Variants in GALNTL6 observed in about 807,000 individuals in gnomAD.
GALNTL6 encodes the protein polypeptide N-acetylgalactosaminyltransferase like 6, also known as polypeptide N-acetylgalactosaminyltransferase-like 6.
GALNTL6 carries 46 observed loss-of-function variants against 73.7 expected under a neutral mutation model. That is an observed-to-expected ratio of 0.62 (90% CI 0.49 to 0.80). The LOEUF (loss-of-function observed/expected upper bound fraction) is 0.80, where lower values mean the gene tolerates loss of function less well. Ranked by LOEUF, GALNTL6 falls within the 30% of genes least tolerant of loss-of-function variation. The pLI, the probability that GALNTL6 is intolerant of heterozygous loss-of-function variation, is 0.00. For missense variants in GALNTL6, 604 were observed against 755.0 expected (o/e 0.80, Z 2.34); for synonymous variants, 259 against 263.7 (o/e 0.98, Z 0.17).
At chr4:172,960,157 T>G (rs1018194161) in intron 10 of GALNTL6, among the ~76,000 whole-genome samples, 1 of 152,192 alleles carries the variant, frequency 6.6e-6, no homozygotes, top group East Asian at 1.9e-4. Flanking sequence ...TCTAGGGCTG[T>G]AAAGCGTCTC....
intron 2 of GALNTL6, among the ~76,000 whole-genome samples, chr4:172,193,839 G>T (rs1316517683): frequency 6.6e-6 from 1 of 152,088 alleles, no homozygotes; most frequent in East Asian, 1.9e-4. Context: ...TCCAGCCTGG[G>T]TGACAGAGCA....
At chr4:172,992,071 C>G (rs1329705083) in intron 10 of GALNTL6, among the ~76,000 whole-genome samples, 3 of 152,112 alleles carry the variant, frequency 2.0e-5, no homozygotes, top group Non-Finnish European at 2.9e-5. Context: ...AAGCTAGACC[C>G]AAAAAACCAA....
intron 5 of GALNTL6, among the ~76,000 whole-genome samples, chr4:172,539,767 T>A (rs1458854504): frequency 6.6e-6 from 1 of 151,414 alleles, no homozygotes; most frequent in Non-Finnish European, 1.5e-5. Context: ...TTGGTATGAT[T>A]GCCATAATAT....
intron 5 of GALNTL6, among the ~76,000 whole-genome samples, chr4:172,421,501 GATAAA>G (rs1278237743): frequency 4.0e-5 from 6 of 151,172 alleles, no homozygotes; most frequent in African/African-American, 4.9e-5. Context: ...AAATAAGGGA[GATAAA>G]ATAAAAAGGA....
In GALNTL6 at chr4:172,173,060, A is replaced by G. The variant is rs146025714; in HGVS notation, c.139-56596A>G. 3.9e-5 allele frequency among the ~76,000 whole-genome samples: 6 copies of G among 152,266 alleles called. No homozygotes were observed. The East Asian group carries it at 1.2e-3, about 29-fold the overall frequency. On this transcript the variant is annotated intron_variant, in intron 2 of 12. Transcript: ENST00000506823. Reference sequence around the variant, plus strand: ...ATGATGGGCTGAGGTGAGAGGAGAGATGGGCAAGATTTTGGCCATTTGATG... The same window carrying G: ...ATGATGGGCTGAGGTGAGAGGAGAGGTGGGCAAGATTTTGGCCATTTGATG...
At chr4:172,720,400 G>A (rs1056686041) in intron 5 of GALNTL6, among the ~76,000 whole-genome samples, 2 of 152,118 alleles carry the variant, frequency 1.3e-5, no homozygotes, top group Non-Finnish European at 2.9e-5. Context: ...GAGGGGCCAG[G>A]CTCCTCACTG....
At chr4:172,971,818 C>G (rs1750596662) in intron 10 of GALNTL6, among the ~76,000 whole-genome samples, 1 of 152,026 alleles carries the variant, frequency 6.6e-6, no homozygotes, top group Non-Finnish European at 1.5e-5. Flanking sequence ...AAAAGACCTT[C>G]TAGATAACAG....
intron 2 of GALNTL6, among the ~76,000 whole-genome samples, chr4:172,114,761 T>A (rs373478702): frequency 1.6e-4 from 25 of 152,254 alleles, no homozygotes; most frequent in African/African-American, 5.8e-4. Flanking sequence ...TGTTTAGATA[T>A]ATGATTCTTT....
At chr4:172,100,939 A>G (rs952589310) in intron 2 of GALNTL6, among the ~76,000 whole-genome samples, 2 of 152,150 alleles carry the variant, frequency 1.3e-5, no homozygotes, top group African/African-American at 4.8e-5. Context: ...TCGGGGCACA[A>G]ATACATACCC....
At chr4:172,516,837 A>T (rs1376254016) in intron 5 of GALNTL6, among the ~76,000 whole-genome samples, 1 of 152,210 alleles carries the variant, frequency 6.6e-6, no homozygotes, top group Non-Finnish European at 1.5e-5. Flanking sequence ...CATAAATGTA[A>T]TATCATTCAG....
intron 2 of GALNTL6, among the ~76,000 whole-genome samples, chr4:171,868,561 C>T (rs1041559711): frequency 6.6e-6 from 1 of 152,166 alleles, no homozygotes; most frequent in African/African-American, 2.4e-5. Flanking sequence ...TCTTTTCTGC[C>T]TCAGGAAATT....
chr4:172,229,837 T>C, intron 3 of GALNTL6, 73 bp downstream of exon 3: 1 of 860,416 alleles, frequency 1.2e-6, no homozygotes, highest in Non-Finnish European at 1.9e-6. Context: ...AAAGGATCTC[T>C]AATTAGCATT....
intron 5 of GALNTL6, among the ~76,000 whole-genome samples, chr4:172,799,451 C>T (rs902425705): frequency 1.3e-5 from 2 of 152,158 alleles, no homozygotes; most frequent in African/African-American, 4.8e-5. Context: ...AAGCATTTGT[C>T]ATTGTCAATA....
chr4:171,917,660 T>TG (rs1578970315), intron 2 of GALNTL6, among the ~76,000 whole-genome samples: 1 of 152,134 alleles, frequency 6.6e-6, no homozygotes, highest in East Asian at 1.9e-4. Flanking sequence ...ATTTTAAGAC[T>TG]GATGAAAGGT....
At chr4:171,983,481 T>C (rs991921894) in intron 2 of GALNTL6, among the ~76,000 whole-genome samples, 1 of 150,142 alleles carries the variant, frequency 6.7e-6, no homozygotes, top group African/African-American at 2.4e-5. Context: ...TATTTATTTA[T>C]TTATTTATTT....
chr4:172,599,723 A>G (rs1451321059), intron 5 of GALNTL6, among the ~76,000 whole-genome samples: 1 of 152,122 alleles, frequency 6.6e-6, no homozygotes, highest in African/African-American at 2.4e-5. Flanking sequence ...CTGAGCCATG[A>G]CATCACTAAG....
chr4:171,816,512 C>A (rs1006753297), intron 2 of GALNTL6, among the ~76,000 whole-genome samples: 2 of 151,912 alleles, frequency 1.3e-5, no homozygotes, highest in South Asian at 4.1e-4. Context: ...AGAGAATTTT[C>A]GTATACTGTA....
intron 5 of GALNTL6, among the ~76,000 whole-genome samples, chr4:172,616,223 C>T (rs1211023117): frequency 6.6e-6 from 1 of 152,120 alleles, no homozygotes; most frequent in Non-Finnish European, 1.5e-5. Context: ...TACTGTGCTC[C>T]ACAGGCAGTT....
At chr4:172,196,898 C>T (rs1735789488) in intron 2 of GALNTL6, among the ~76,000 whole-genome samples, 1 of 152,182 alleles carries the variant, frequency 6.6e-6, no homozygotes, top group Non-Finnish European at 1.5e-5. Flanking sequence ...AATGCCCTCT[C>T]TCACCACTCC....
Sources: allele counts gnomAD v4.1 joint callset (sites outside exome capture counted in the v4.1 genomes callset), GRCh38; gene constraint gnomAD v4.1.1; transcripts MANE v1.5; gene names NCBI Gene and HGNC (gene_info 2026-07-23, HGNC 2026-07-21).